Variants in IL12A observed in about 807,000 individuals in gnomAD.
IL12A encodes interleukin 12A.
In IL12A, 16 loss-of-function variants were observed where a neutral mutation model predicts 23.5. The ratio of observed to expected loss-of-function variants is 0.68; its 90% CI spans 0.46 to 1.03. The LOEUF (loss-of-function observed/expected upper bound fraction) is 1.03. IL12A is among the 50% of genes least tolerant of loss of function. IL12A has a pLI of 0.00. For missense variants in IL12A, 275 were observed against 307.0 expected (o/e 0.90, Z 0.78); for synonymous variants, 106 against 111.5 (o/e 0.95, Z 0.31).
intron 2 of IL12A, among the ~76,000 whole-genome samples, chr3:159,991,283 G>T (rs1045359299): frequency 1.3e-5 from 2 of 152,162 alleles, no homozygotes; most frequent in Non-Finnish European, 2.9e-5. Context: ...AAAGATTATA[G>T]AAATCAATTT....
chr3:159,993,485 T>C lies in IL12A; in HGVS notation c.413T>C (p.Phe138Ser). ...TGCCTAAATTCCAGAGAGACCTCTT[T>C]CATAACTGTAAGTCAAAAAATGAAA... Residue 138 changes from phenylalanine to serine, a missense_variant, in exon 4 of 7, where the codon TTC (phenylalanine) becomes TCC (serine). Transcript: ENST00000305579. 6.2e-7 allele frequency: 1 copy of C among 1,613,462 alleles called. No homozygotes were observed. The highest frequency in any genetic ancestry group is 8.5e-7 in the Non-Finnish European group (1 of 1,179,394).
chr3:159,993,520 C>T (rs1560123160), intron 4 of IL12A, 28 bp downstream of exon 4: 8 of 1,613,776 alleles, frequency 5.0e-6, no homozygotes, highest in Non-Finnish European at 6.8e-6. Flanking sequence ...AAGTTTCAGC[C>T]TGTATGATGA....
At chr3:159,990,447 G>A in intron 2 of IL12A, 135 bp downstream of exon 2, 1 of 873,530 alleles carries the variant, frequency 1.1e-6, no homozygotes, top group Non-Finnish European at 1.7e-6. Flanking sequence ...CAGCAGGAGA[G>A]GGAACTTTAC....
chr3:159,990,310 A>G lies in IL12A; in HGVS notation c.262A>G (p.Lys88Glu). The change falls in exon 2 of 7, where the codon AAG (lysine) becomes GAG (glutamate). Residue 88 changes from lysine (K) to glutamate (E), a missense_variant and splice_region_variant. Coordinates refer to ENST00000305579, the MANE Select transcript of IL12A (RefSeq NM_000882.4). The stretch of plus-strand genomic sequence containing the variant: ...GAGGGCCGTCAGCAACATGCTCCAG[A>G]AGGTGAGCCTTTCCTGTCCTCTCCA... 6.2e-7 allele frequency: 1 copy of G among 1,614,034 alleles called. No individual in the cohort carries two copies. Among genetic ancestry groups the G allele is most frequent in the Non-Finnish European group, 8.5e-7 (1 of 1,179,948 alleles).
chr3:159,991,483 A>G (rs1004049571), intron 2 of IL12A, among the ~76,000 whole-genome samples: 1 of 152,234 alleles, frequency 6.6e-6, no homozygotes, highest in African/African-American at 2.4e-5. Context: ...TCTTGAAAAG[A>G]TCTGAAGAAC....
intron 1 of IL12A, 85 bp downstream of exon 1, chr3:159,989,259 G>A (rs1379133983): frequency 2.9e-6 from 3 of 1,042,154 alleles, no homozygotes; most frequent in Non-Finnish European, 4.4e-6. Context: ...ACTCAAGTCT[G>A]CCTAAGGAGA....
intron 2 of IL12A, among the ~76,000 whole-genome samples, chr3:159,992,248 C>A (rs759504381): frequency 1.2e-4 from 18 of 152,290 alleles, no homozygotes; most frequent in South Asian, 6.2e-4. Flanking sequence ...CCTGCCCCTC[C>A]TCAGAAGCTT....
intron 1 of IL12A, 29 bp from the exon 2 acceptor site, chr3:159,990,138 G>A (rs1457597377): frequency 6.2e-7 from 1 of 1,611,170 alleles, no homozygotes; most frequent in African/African-American, 1.3e-5. Context: ...CCAGGCTGAA[G>A]CTCCTCCACC....
intron 2 of IL12A, 33 bp downstream of exon 2, chr3:159,990,345 T>C: frequency 6.2e-7 from 1 of 1,605,320 alleles, no homozygotes. Context: ...ACTGTGGACC[T>C]GCACCCTCCC....
At chr3:159,992,868 A>G (rs961725287) in intron 2 of IL12A, 144 bp from the exon 3 acceptor site, 6 of 600,638 alleles carry the variant, frequency 1.0e-5, no homozygotes, top group Non-Finnish European at 1.5e-5. Flanking sequence ...TGTATTATGA[A>G]GAACCAGAAT....
intron 6 of IL12A, among the ~76,000 whole-genome samples, chr3:159,995,128 T>G (rs187489307): frequency 2.2e-4 from 34 of 152,292 alleles, no homozygotes; most frequent in Admixed American, 1.8e-3. Flanking sequence ...AAAGGAACTG[T>G]TTCTTTCTAA....
chr3:159,990,770 C>T (rs1263970308), intron 2 of IL12A, among the ~76,000 whole-genome samples: 1 of 152,200 alleles, frequency 6.6e-6, no homozygotes, highest in Non-Finnish European at 1.5e-5. Flanking sequence ...ACAGTTCCTT[C>T]TTGGAGCAAC....
At chr3:159,994,921 A>T (rs1355877928) in intron 6 of IL12A, among the ~76,000 whole-genome samples, 1 of 152,186 alleles carries the variant, frequency 6.6e-6, no homozygotes, top group Non-Finnish European at 1.5e-5. Flanking sequence ...ATATTCTGTT[A>T]TCAAATCAAA....
At chr3:159,992,946 C>T in intron 2 of IL12A, 66 bp from the exon 3 acceptor site, 1 of 935,874 alleles carries the variant, frequency 1.1e-6, no homozygotes, top group South Asian at 1.5e-5. Flanking sequence ...CCTGGCTTAC[C>T]AGCCTTGTGG....
chr3:159,991,958 T>C (rs1317362087), intron 2 of IL12A, among the ~76,000 whole-genome samples: 1 of 152,218 alleles, frequency 6.6e-6, no homozygotes, highest in Non-Finnish European at 1.5e-5. Flanking sequence ...ATCAGCTGAT[T>C]AGCAAATTGA....
chr3:159,992,545 G>A (rs1720357210), intron 2 of IL12A, among the ~76,000 whole-genome samples: 1 of 152,170 alleles, frequency 6.6e-6, no homozygotes, highest in South Asian at 2.1e-4. Context: ...GTGCGTGTGT[G>A]CACTGCAAAT....
rs745535302 is a variant in IL12A at position 159,993,547 on chromosome 3, T to C, written c.421-21T>C. ...GTATGATGAATTCATATCACTGATG[T>C]CTGATTATTTTTTCCTCTAGAATGG... On this transcript the variant is annotated intron_variant, in intron 4 of 6. Coordinates refer to ENST00000305579, the MANE Select transcript of IL12A (RefSeq NM_000882.4). 8.1e-6 allele frequency: 13 copies of C among 1,614,018 alleles called. No homozygotes were observed. The Admixed American group carries it at 2.2e-4, about 27-fold the overall frequency.
At chr3:159,991,943 C>G (rs1720330103) in intron 2 of IL12A, among the ~76,000 whole-genome samples, 1 of 152,226 alleles carries the variant, frequency 6.6e-6, no homozygotes, top group African/African-American at 2.4e-5. Flanking sequence ...TCTCTCTACT[C>G]TTAGATCAGC....
intron 2 of IL12A, among the ~76,000 whole-genome samples, chr3:159,991,474 C>T (rs1259687598): frequency 6.6e-6 from 1 of 152,198 alleles, no homozygotes; most frequent in Non-Finnish European, 1.5e-5. Context: ...TCTAGCTTCT[C>T]TTGAAAAGAT....
Sources: gnomAD v4.1 joint callset for allele counts (sites outside exome capture counted in the v4.1 genomes callset) on GRCh38, gnomAD v4.1.1 for gene constraint, MANE v1.5 for transcripts, NCBI Gene and HGNC (gene_info 2026-07-23, HGNC 2026-07-21) for gene names.